Variants in TNFRSF8 observed in about 807,000 individuals in gnomAD.
TNFRSF8 encodes the protein tumor necrosis factor receptor superfamily member 8.
A neutral mutation model predicts 70.8 loss-of-function variants in TNFRSF8; 26 were observed. The ratio of observed to expected loss-of-function variants is 0.37; its 90% CI spans 0.27 to 0.51. The LOEUF (loss-of-function observed/expected upper bound fraction) is 0.51. Ranked by LOEUF, TNFRSF8 falls within the 20% of genes least tolerant of loss-of-function variation. The probability of loss-of-function intolerance (pLI) is 0.94; values close to 1 mark genes in which losing one functional copy is unlikely to be tolerated. For synonymous variants in TNFRSF8, 356 were observed against 339.2 expected, an observed-to-expected ratio of 1.05 and a Z score of -0.54; for missense variants, 720 against 807.9, an observed-to-expected ratio of 0.89 and a Z score of 1.32.
chr1:12,128,043 G>A lies in TNFRSF8; in HGVS notation c.1309+1807G>A, dbSNP rs117447656. Among the ~76,000 whole-genome samples, 20 of 152,274 alleles carry A rather than the reference G, an allele frequency of 1.3e-4. No individual in the cohort carries two copies. The East Asian group carries it at 3.7e-3, about 28-fold the overall frequency. ...AAGACAGGCAAGCTCACAGAGCACC[G>A]GGTGAGAATGGACCGAGCTGGCCGG... On this transcript the variant is annotated intron_variant, in intron 12 of 14. Coordinates refer to ENST00000263932, the MANE Select transcript of TNFRSF8 (RefSeq NM_001243.5).
At chr1:12,089,954 C>T (rs908620382) in intron 2 of TNFRSF8, among the ~76,000 whole-genome samples, 2 of 151,498 alleles carry the variant, frequency 1.3e-5, no homozygotes, top group African/African-American at 2.4e-5. Context: ...ATCTACCCAT[C>T]CACCCATCTA....
At chr1:12,076,094 TTTC>T (rs141015583) in intron 1 of TNFRSF8, among the ~76,000 whole-genome samples, 73 of 91,510 alleles carry the variant, frequency 8.0e-4, no homozygotes, top group South Asian at 1.6e-3. Context: ...TTCTTTTTTT[TTTC>T]TTTTTCTTTT....
chr1:12,085,804 C>A (rs546562600), intron 2 of TNFRSF8, among the ~76,000 whole-genome samples: 6 of 152,306 alleles, frequency 3.9e-5, no homozygotes, highest in African/African-American at 1.4e-4. Context: ...GGTCATGAGG[C>A]ATTTCTGCCC....
intron 2 of TNFRSF8, among the ~76,000 whole-genome samples, chr1:12,090,302 A>G (rs1287120652): frequency 6.7e-6 from 1 of 148,730 alleles, no homozygotes; most frequent in Admixed American, 6.7e-5. Flanking sequence ...CCATCCATCT[A>G]TCCACCCATC....
intron 1 of TNFRSF8, among the ~76,000 whole-genome samples, chr1:12,073,499 C>T (rs1032965837): frequency 2.7e-5 from 4 of 150,788 alleles, no homozygotes; most frequent in African/African-American, 4.9e-5. Flanking sequence ...TTCCTTCCCT[C>T]CCTCCCTCCT....
In TNFRSF8 at chr1:12,142,179, C is replaced by T; in HGVS notation, c.1544-108C>T. ...GAGAGGCTGTGCCATCAGCCTGAAG[C>T]CACCCGGCAGGTGTACCAGCACTGG... On this transcript the variant is annotated intron_variant, in intron 14 of 14. Coordinates refer to ENST00000263932, the MANE Select transcript of TNFRSF8 (RefSeq NM_001243.5). The surrounding 1 kb of genome is among the most constrained non-coding windows in gnomAD (Gnocchi z 5.0). 1 of 1,432,172 alleles carries T rather than the reference C, an allele frequency of 7.0e-7. No individual in the cohort carries two copies. The highest frequency in any genetic ancestry group is 2.5e-5 in the East Asian group (1 of 39,910). 88.7% of individuals were successfully genotyped at this position (1,432,172 alleles called of 1,614,324 possible).
chr1:12,065,508 G>A (rs1396329549), intron 1 of TNFRSF8, among the ~76,000 whole-genome samples: 3 of 152,124 alleles, frequency 2.0e-5, no homozygotes, highest in Admixed American at 6.6e-5. Context: ...GCCTCATCCT[G>A]ATCCCTTCAA....
At chr1:12,139,124 C>T (rs1029843491) in intron 14 of TNFRSF8, among the ~76,000 whole-genome samples, 12 of 150,896 alleles carry the variant, frequency 8.0e-5, no homozygotes, top group South Asian at 2.1e-4. Flanking sequence ...CACCTTGGTA[C>T]GGCATTTTCC....
chr1:12,110,093 G>A lies in TNFRSF8; in HGVS notation c.565G>A (p.Ala189Thr), dbSNP rs2101004188. 1 of 1,613,550 alleles carries A rather than the reference G, an allele frequency of 6.2e-7. No homozygotes were observed. Among genetic ancestry groups the A allele is most frequent in the East Asian group, 2.2e-5 (1 of 44,874 alleles). Residue 189 changes from alanine to threonine, a missense_variant, in exon 6 of 15, where the codon GCC becomes ACC. Ala to Thr is a moderately conservative substitution (Grantham distance 58). Coordinates refer to ENST00000263932, the MANE Select transcript of TNFRSF8 (RefSeq NM_001243.5). The surrounding 1 kb of genome is among the most constrained non-coding windows in gnomAD (Gnocchi z 4.0). ...PTPVSPATSSASTMPVRGGTR... is the reference protein window; with the variant it reads ...PTPVSPATSSTSTMPVRGGTR... ...CCCGGTGTCCCCAGCAACCTCCAGT[G>A]CCAGCACCATGCCTGTAAGAGGGGG...
chr1:12,133,098 C>G (rs551057725), intron 12 of TNFRSF8, among the ~76,000 whole-genome samples: 42 of 152,144 alleles, frequency 2.8e-4, no homozygotes, highest in Middle Eastern at 6.8e-3. Flanking sequence ...ATTATAAACC[C>G]GCTGCTGTGC....
chr1:12,129,928 A>G (rs1477363520), intron 12 of TNFRSF8, among the ~76,000 whole-genome samples: 3 of 152,110 alleles, frequency 2.0e-5, no homozygotes, highest in African/African-American at 7.2e-5. Flanking sequence ...TTTTTGAGAC[A>G]GGGTCTGGCT....
intron 9 of TNFRSF8, 103 bp from the exon 10 acceptor site, chr1:12,123,612 C>A (rs1393077202): frequency 1.8e-6 from 2 of 1,105,754 alleles, no homozygotes; most frequent in African/African-American, 1.6e-5. Context: ...GATCTAGGGG[C>A]CCAGGCTCTG....
At chr1:12,090,977 T>C (rs1342365711) in intron 2 of TNFRSF8, among the ~76,000 whole-genome samples, 1 of 152,152 alleles carries the variant, frequency 6.6e-6, no homozygotes, top group Non-Finnish European at 1.5e-5. Context: ...AAATCCAATA[T>C]GACTGGTGCC....
intron 2 of TNFRSF8, among the ~76,000 whole-genome samples, chr1:12,087,023 C>T (rs1022868527): frequency 6.6e-6 from 1 of 151,566 alleles, no homozygotes; most frequent in Non-Finnish European, 1.5e-5. Context: ...CCATTCACCG[C>T]CCCCATCCAT....
At chr1:12,129,519 G>T (rs1642007003) in intron 12 of TNFRSF8, among the ~76,000 whole-genome samples, 1 of 152,202 alleles carries the variant, frequency 6.6e-6, no homozygotes, top group African/African-American at 2.4e-5. Context: ...ACATTTGCTT[G>T]TCTGGTTTCT....
At chr1:12,114,692 ATCTT>A (rs1641694982) in intron 7 of TNFRSF8, among the ~76,000 whole-genome samples, 2 of 64,718 alleles carry the variant, frequency 3.1e-5, no homozygotes, top group Non-Finnish European at 7.4e-5. Flanking sequence ...AGGAAAAAAA[ATCTT>A]TTTTTTTTTT....
intron 10 of TNFRSF8, among the ~76,000 whole-genome samples, chr1:12,125,509 C>T (rs1437646590): frequency 6.6e-6 from 1 of 152,174 alleles, no homozygotes; most frequent in Non-Finnish European, 1.5e-5. Context: ...GGACTCCATG[C>T]CTGCCCTCAT....
intron 8 of TNFRSF8, among the ~76,000 whole-genome samples, chr1:12,116,888 A>AC (rs1413657626): frequency 6.6e-6 from 1 of 151,994 alleles, no homozygotes; most frequent in Non-Finnish European, 1.5e-5. Flanking sequence ...TGCTTCTAGG[A>AC]CCCCCAGAGA....
In TNFRSF8 at chr1:12,113,132, C is replaced by T. The variant is rs1224353273; in HGVS notation, c.793+1118C>T. Among the ~76,000 whole-genome samples the T allele has an allele frequency of 6.6e-6, 1 of 152,192 alleles. No individual in the cohort carries two copies. The highest frequency in any genetic ancestry group is 1.5e-5 in the Non-Finnish European group (1 of 68,042). The stretch of plus-strand genomic sequence containing the variant: ...CTGCGGGGACAGCTTGTCTCTGCTC[C>T]ACAATGTCTGAGGTCTTAGCTGGAA... On this transcript the variant is annotated intron_variant, in intron 7 of 14. Transcript: ENST00000263932. The surrounding 1 kb of genome is among the most constrained non-coding windows in gnomAD (Gnocchi z 4.9).
Sources: gnomAD v4.1 joint callset for allele counts (sites outside exome capture counted in the v4.1 genomes callset) on GRCh38, gnomAD v4.1.1 for gene constraint, Gnocchi (gnomAD v3.1) non-coding constraint, MANE v1.5 for transcripts, NCBI Gene and HGNC (gene_info 2026-07-23, HGNC 2026-07-21) for gene names.